The following NOL4L variants were observed in gnomAD, a reference collection of about 807,000 sequenced individuals.
NOL4L encodes nucleolar protein 4-like.
NOL4L carries 7 observed loss-of-function variants against 64.5 expected under a neutral mutation model. The observed-to-expected ratio is 0.11, with a 90% CI of 0.06 to 0.20. NOL4L has a LOEUF of 0.20. Ranked by LOEUF, NOL4L falls within the 10% of genes least tolerant of loss-of-function variation. NOL4L has a pLI of 1.00. For synonymous variants in NOL4L, 413 were observed against 401.0 expected (o/e 1.03, Z -0.36); for missense variants, 680 against 967.1 (o/e 0.70, Z 3.94).
rs114318445 is a variant in NOL4L, at chr20:32,477,593, G to T, written c.700-2851C>A. On this transcript the variant is annotated intron_variant, in intron 4 of 10. Transcript: ENST00000621426. Reference sequence around the variant, plus strand: ...TGAATCAACTGAATTGCCTGGCATAGTGTTGGTGTTTAATGAGGACGCTCC... The same window carrying T: ...TGAATCAACTGAATTGCCTGGCATATTGTTGGTGTTTAATGAGGACGCTCC... Among the ~76,000 whole-genome samples, 387 of 152,354 alleles carry T rather than the reference G, an allele frequency of 2.5e-3. 3 individuals carry two copies. Among genetic ancestry groups the T allele is most frequent in the African/African-American group, 9.0e-3 (374 of 41,578 alleles).
At chr20:32,564,027 G>C (rs894755274) in intron 1 of NOL4L, among the ~76,000 whole-genome samples, 5 of 152,208 alleles carry the variant, frequency 3.3e-5, no homozygotes, top group Non-Finnish European at 7.3e-5. Context: ...TTGCACGAGA[G>C]GAGACAAAGG....
In NOL4L at chr20:32,471,136, C is replaced by A. The variant is rs1021252982; in HGVS notation, c.841+3465G>T. ...GTGTTTCAGGACAAGCAGACACTCACCCCGGTAGAACCTCAGAGGCAAGCT... is the reference window on the plus strand; with the variant it reads ...GTGTTTCAGGACAAGCAGACACTCAACCCGGTAGAACCTCAGAGGCAAGCT... On this transcript the variant is annotated intron_variant, in intron 5 of 10. Transcript: ENST00000621426. 2.0e-5 allele frequency among the ~76,000 whole-genome samples: 3 copies of A among 152,186 alleles called. No individual in the cohort carries two copies. In the South Asian group the frequency reaches 6.2e-4, roughly 31 times the overall value.
chr20:32,540,006 C>T (rs1165809509), intron 1 of NOL4L, among the ~76,000 whole-genome samples: 1 of 152,182 alleles, frequency 6.6e-6, no homozygotes, highest in African/African-American at 2.4e-5. Flanking sequence ...AAGCTGATAC[C>T]AGAAGAACTT....
At chr20:32,568,469 C>G (rs1278647455) in intron 1 of NOL4L, among the ~76,000 whole-genome samples, 1 of 152,050 alleles carries the variant, frequency 6.6e-6, no homozygotes, top group African/African-American at 2.4e-5. Flanking sequence ...TACAGCCTCC[C>G]TGGACCTCAG....
intron 1 of NOL4L, among the ~76,000 whole-genome samples, chr20:32,569,801 C>T (rs1224771187): frequency 6.6e-6 from 1 of 152,156 alleles, no homozygotes; most frequent in Non-Finnish European, 1.5e-5. Flanking sequence ...AGAGGCGGTA[C>T]CTAGCACAGC....
In NOL4L at chr20:32,529,416, C is replaced by T. The variant is rs113749203; in HGVS notation, c.322-1503G>A. Among the ~76,000 whole-genome samples the T allele has an allele frequency of 1.4e-3, 214 of 152,304 alleles. 1 individual carries two copies. Among genetic ancestry groups the T allele is most frequent in the Middle Eastern group, 3.4e-3 (1 of 294 alleles). On this transcript the variant is annotated intron_variant, in intron 1 of 10. Coordinates refer to ENST00000621426, the MANE Select transcript of NOL4L (RefSeq NM_001256798.2). ...CGGAGGTTGTTAGGGTCAGGACCTG[C>T]CTGAGGTACAGTGGCTGGTGGATGG...
At position 32,447,809 on chromosome 20, in the gene NOL4L, C is replaced by T. The variant is rs745580736; in HGVS notation, c.1830G>A (p.Thr610=). The stretch of plus-strand genomic sequence containing the variant: ...AGGCCCCGCCTTTCATGCTGAGGTC[C>T]GTGGGCCCTGTGGAGAGGGAAGTAG... ...LQTGNHSNGP[T]DLSMKGGAST... The change falls in exon 11 of 11, where the codon ACG becomes ACA. Residue 610 remains threonine, a synonymous_variant. Transcript: ENST00000621426. The T allele has an allele frequency of 2.4e-5, 38 of 1,557,868 alleles. 1 individual carries two copies. Among genetic ancestry groups the T allele is most frequent in the Admixed American group, 1.3e-4 (7 of 54,462 alleles).
At chr20:32,488,875 CTTTCT>C (rs1568649527) in intron 4 of NOL4L, among the ~76,000 whole-genome samples, 2,577 of 85,620 alleles carry the variant, frequency 0.03, 129 homozygotes, top group African/African-American at 0.1. Flanking sequence ...TTCTTTCTTT[CTTTCT>C]TTCTTTCTTT....
chr20:32,452,506 CA>C, intron 9 of NOL4L, 69 bp from the exon 10 acceptor site: 2 of 1,375,988 alleles, frequency 1.5e-6, no homozygotes, highest in Non-Finnish European at 2.0e-6. Context: ...TCCCTGGACA[CA>C]AGGTGGATAA....
At chr20:32,490,987 C>T (rs1280404979) in intron 4 of NOL4L, among the ~76,000 whole-genome samples, 3 of 152,188 alleles carry the variant, frequency 2.0e-5, no homozygotes, top group Non-Finnish European at 4.4e-5. Flanking sequence ...CACCCATGTG[C>T]GACCCCTCCA....
chr20:32,518,964 C>T (rs1323049584), intron 3 of NOL4L, among the ~76,000 whole-genome samples: 2 of 152,238 alleles, frequency 1.3e-5, no homozygotes, highest in South Asian at 2.1e-4. Context: ...GCAACAGCCA[C>T]AGCTCTCTCT....
intron 10 of NOL4L, among the ~76,000 whole-genome samples, chr20:32,450,817 C>T (rs1252150740): frequency 6.6e-6 from 1 of 152,180 alleles, no homozygotes; most frequent in African/African-American, 2.4e-5. Flanking sequence ...ATGAAAGGAG[C>T]CCGCCTAGGA....
chr20:32,515,650 CAAGG>C (rs1448292961), intron 3 of NOL4L, among the ~76,000 whole-genome samples: 1 of 152,158 alleles, frequency 6.6e-6, no homozygotes, highest in Non-Finnish European at 1.5e-5. Flanking sequence ...GAAACGTGAA[CAAGG>C]AAGAAGTGGG....
At chr20:32,499,839 C>A (rs1335591792) in intron 4 of NOL4L, among the ~76,000 whole-genome samples, 4 of 142,526 alleles carry the variant, frequency 2.8e-5, no homozygotes, top group Non-Finnish European at 6.0e-5. Context: ...AAAAGAGGAA[C>A]AATTCCTACT....
In NOL4L at chr20:32,464,756, A is replaced by G. The variant is rs2014398867; in HGVS notation, c.842-8361T>C. On this transcript the variant is annotated intron_variant, in intron 5 of 10. Coordinates refer to ENST00000621426, the MANE Select transcript of NOL4L (RefSeq NM_001256798.2). The surrounding 1 kb of genome is among the most constrained non-coding windows in gnomAD (Gnocchi z 5.6). The stretch of plus-strand genomic sequence containing the variant: ...GAGTGCCCTAGTACCCACATTTTAA[A>G]AAGTAATAAAGAAACAGGTGAAATC... 1.1e-5 allele frequency: 4 copies of G among 359,286 alleles called. No individual in the cohort carries two copies. Among genetic ancestry groups the G allele is most frequent in the Non-Finnish European group, 2.0e-5 (4 of 202,158 alleles). The allele number at this position is 359,286 out of a possible 1,614,324, so 22.3% of individuals were successfully genotyped here. A position where few individuals can be genotyped will look rare whatever the true frequency, so the allele number is the denominator to read the frequency against.
At chr20:32,522,106 T>C (rs1007220614) in intron 2 of NOL4L, among the ~76,000 whole-genome samples, 1 of 150,990 alleles carries the variant, frequency 6.6e-6, no homozygotes, top group Non-Finnish European at 1.5e-5. Context: ...GGGAGTGGAG[T>C]TGTGGGGGGA....
chr20:32,512,669 G>A (rs1023035869), intron 3 of NOL4L, among the ~76,000 whole-genome samples: 1 of 152,106 alleles, frequency 6.6e-6, no homozygotes, highest in African/African-American at 2.4e-5. Context: ...AATGCATACA[G>A]AGAATTCCAG....
chr20:32,453,087 G>A lies in NOL4L; in HGVS notation c.1498-81C>T, dbSNP rs1384975361. The A allele has an allele frequency of 1.9e-6, 3 of 1,577,384 alleles. No individual in the cohort carries two copies. The highest frequency in any genetic ancestry group is 1.1e-5 in the South Asian group (1 of 89,180). ...TGCAGAGACCCTGCCCCAGGGGTGG[G>A]TGGCACAGGGTGGGGTTTGGGCTCC... On this transcript the variant is annotated intron_variant, in intron 8 of 10. Transcript: ENST00000621426. The surrounding 1 kb of genome is among the most constrained non-coding windows in gnomAD (Gnocchi z 5.6).
intron 4 of NOL4L, among the ~76,000 whole-genome samples, chr20:32,490,550 A>T (rs2016427207): frequency 6.6e-6 from 1 of 152,162 alleles, no homozygotes; most frequent in Non-Finnish European, 1.5e-5. Context: ...TATTCTTTAT[A>T]TTAACTGATT....
Sources: gnomAD v4.1 joint callset for allele counts (sites outside exome capture counted in the v4.1 genomes callset) on GRCh38, gnomAD v4.1.1 for gene constraint, Gnocchi (gnomAD v3.1) non-coding constraint, MANE v1.5 for transcripts, NCBI Gene and HGNC (gene_info 2026-07-23, HGNC 2026-07-21) for gene names.